The following ZFP64 variants were observed in gnomAD, a reference collection of about 807,000 sequenced individuals.
The protein encoded by ZFP64 is zinc finger protein 64.
ZFP64 carries 14 observed loss-of-function variants against 51.6 expected under a neutral mutation model. That is an observed-to-expected ratio of 0.27 (90% CI 0.18 to 0.42). ZFP64 has a LOEUF of 0.42. Among genes scored for constraint, ZFP64 ranks in the 10% least tolerant of loss-of-function variants. The pLI, the probability that ZFP64 is intolerant of heterozygous loss-of-function variation, is 1.00. For missense variants in ZFP64, 754 were observed against 906.8 expected (o/e 0.83, Z 2.16); for synonymous variants, 375 against 361.4 (o/e 1.04, Z -0.43).
intron 6 of ZFP64, among the ~76,000 whole-genome samples, chr20:52,097,856 G>A (rs1279698821): frequency 6.6e-6 from 1 of 151,900 alleles, no homozygotes; most frequent in Non-Finnish European, 1.5e-5. Flanking sequence ...ATCACTGGAG[G>A]CCAGAAGTTT....
chr20:52,191,439 G>T lies in ZFP64; in HGVS notation c.46+152C>A. The T allele has an allele frequency of 9.8e-7, 1 of 1,024,262 alleles. No individual in the cohort carries two copies. The highest frequency in any genetic ancestry group is 1.3e-6 in the Non-Finnish European group (1 of 771,162). 63.4% of individuals were successfully genotyped at this position (1,024,262 alleles called of 1,614,324 possible). A position where few individuals can be genotyped will look rare whatever the true frequency, so the allele number is the denominator to read the frequency against. On this transcript the variant is annotated intron_variant, in intron 1 of 5. Coordinates refer to ENST00000216923, the MANE Select transcript of ZFP64 (RefSeq NM_018197.3). This position sits in a 1 kb window ranked among gnomAD's most constrained non-coding sequence, Gnocchi z 4.3. ...CCCACTCCGGCGCCCCCTGCACAGC[G>T]CGCCCGCCGCGGTCCCCGAGACGCG...
chr20:52,112,458 A>G (rs1978644345), intron 5 of ZFP64, among the ~76,000 whole-genome samples: 1 of 152,228 alleles, frequency 6.6e-6, no homozygotes, highest in African/African-American at 2.4e-5. Flanking sequence ...GAGTTGCAGA[A>G]TTCCCATGCT....
intron 1 of ZFP64, among the ~76,000 whole-genome samples, chr20:52,187,856 C>T (rs1200891610): frequency 6.6e-6 from 1 of 152,152 alleles, no homozygotes; most frequent in Admixed American, 6.6e-5. Flanking sequence ...GCAGAACCAG[C>T]AGCCACCTCC....
intron 2 of ZFP64, among the ~76,000 whole-genome samples, chr20:52,174,408 G>C (rs986747605): frequency 6.6e-6 from 1 of 151,008 alleles, no homozygotes; most frequent in East Asian, 1.9e-4. Flanking sequence ...GCTTGAACCC[G>C]GGAGGCGGAG....
rs567587951 is a variant in ZFP64 at position 52,143,666 on chromosome 20, G to A, written c.763+16457C>T. Among the ~76,000 whole-genome samples the A allele has an allele frequency of 4.3e-5, 6 of 138,306 alleles. 2 individuals are homozygous for A. In the Admixed American group the frequency reaches 4.6e-4, roughly 11 times the overall value. 90.7% of individuals were successfully genotyped at this position (138,306 alleles called of 152,430 possible). A position where few individuals can be genotyped will look rare whatever the true frequency, so the allele number is the denominator to read the frequency against. The stretch of plus-strand genomic sequence containing the variant: ...TCCTCTAATCTCAGCCTCTAGAGTA[G>A]TTGGGGCTACAGGTGCACACCACCA... On this transcript the variant is annotated intron_variant, in intron 5 of 8. Coordinates refer to the ZFP64 transcript ENST00000361387.
chr20:52,131,526 A>C (rs1053702898), intron 5 of ZFP64, among the ~76,000 whole-genome samples: 1 of 152,228 alleles, frequency 6.6e-6, no homozygotes, highest in African/African-American at 2.4e-5. Context: ...GGGATGAAAA[A>C]GATATTCTAT....
intron 5 of ZFP64, among the ~76,000 whole-genome samples, chr20:52,115,108 G>A (rs569995017): frequency 1.3e-5 from 2 of 150,876 alleles, no homozygotes; most frequent in Admixed American, 6.6e-5. Context: ...GGAGGCTGAG[G>A]CAGGAGAATG....
rs925188885 is a variant in ZFP64 at position 52,086,787 on chromosome 20, G to A, written c.1229-1521C>T. ...GCCACCGCGCCCGGCCCTTTCACAA[G>A]GAATTTTTAAAATGGATTTTTAAAA... On this transcript the variant is annotated intron_variant, in intron 8 of 8. Transcript: ENST00000361387. Among the ~76,000 whole-genome samples, 3 of 152,018 alleles carry A rather than the reference G, an allele frequency of 2.0e-5. No individual in the cohort carries two copies. In the East Asian group the frequency reaches 5.8e-4, roughly 29 times the overall value.
intron 5 of ZFP64, among the ~76,000 whole-genome samples, chr20:52,121,128 C>T (rs1217195022): frequency 3.9e-5 from 6 of 152,196 alleles, no homozygotes; most frequent in Non-Finnish European, 1.5e-5. Context: ...TTCTTCGAGC[C>T]TTTCTATTCC....
At chr20:52,158,291 C>G (rs1272834928) in intron 5 of ZFP64, among the ~76,000 whole-genome samples, 1 of 152,170 alleles carries the variant, frequency 6.6e-6, no homozygotes, top group Non-Finnish European at 1.5e-5. Flanking sequence ...CAAGGGAGAT[C>G]ACGCAATTGT....
At chr20:52,103,660 C>T (rs1004668317) in intron 5 of ZFP64, among the ~76,000 whole-genome samples, 1 of 152,190 alleles carries the variant, frequency 6.6e-6, no homozygotes, top group Non-Finnish European at 1.5e-5. Context: ...CTATAAACAC[C>T]TCCCCCAAAA....
intron 2 of ZFP64, among the ~76,000 whole-genome samples, chr20:52,166,724 A>G (rs1982306785): frequency 6.6e-6 from 1 of 152,094 alleles, no homozygotes; most frequent in African/African-American, 2.4e-5. Context: ...CCACATTGTT[A>G]ACTACCATGC....
At chr20:52,138,915 C>G (rs1980116755) in intron 5 of ZFP64, among the ~76,000 whole-genome samples, 1 of 152,048 alleles carries the variant, frequency 6.6e-6, no homozygotes. Flanking sequence ...ATACAAGCAG[C>G]CAACAAGCAT....
intron 5 of ZFP64, among the ~76,000 whole-genome samples, chr20:52,123,879 G>T (rs113234697): frequency 2.0e-5 from 3 of 151,462 alleles, no homozygotes; most frequent in Admixed American, 6.6e-5. Flanking sequence ...TCTTTTTTGG[G>T]GGGGGGAGGG....
intron 1 of ZFP64, among the ~76,000 whole-genome samples, chr20:52,188,535 G>C (rs923315260): frequency 4.7e-5 from 7 of 150,388 alleles, no homozygotes; most frequent in Non-Finnish European, 1.0e-4. Flanking sequence ...GGATGGTCTC[G>C]ATCTCCTGAC....
At position 52,153,558 on chromosome 20, in the gene ZFP64, A is replaced by C. The variant is rs943771208; in HGVS notation, c.764-130T>G. The stretch of plus-strand genomic sequence containing the variant: ...AGACCTCCTAACTGCAGCTTCTAGC[A>C]GCCCCTGGCAGTGGGGGAAGAGGGG... On this transcript the variant is annotated intron_variant, in intron 5 of 5. Transcript: ENST00000216923. The surrounding 1 kb of genome is among the most constrained non-coding windows in gnomAD (Gnocchi z 5.1). 2.2e-6 allele frequency: 3 copies of C among 1,346,838 alleles called. No individual in the cohort carries two copies. In the African/African-American group the frequency reaches 4.4e-5, roughly 20 times the overall value. 83.4% of individuals were successfully genotyped at this position (1,346,838 alleles called of 1,614,324 possible). A position where few individuals can be genotyped will look rare whatever the true frequency, so the allele number is the denominator to read the frequency against.
intron 2 of ZFP64, among the ~76,000 whole-genome samples, chr20:52,179,936 A>G (rs1983495510): frequency 6.6e-6 from 1 of 152,232 alleles, no homozygotes; most frequent in South Asian, 2.1e-4. Context: ...TAATAGGCAA[A>G]GAAGTAATGT....
intron 2 of ZFP64, among the ~76,000 whole-genome samples, chr20:52,185,828 G>A (rs556885803): frequency 2.0e-5 from 3 of 151,144 alleles, no homozygotes; most frequent in South Asian, 2.1e-4. Flanking sequence ...TGATCCACCC[G>A]CCTTAGCCTC....
chr20:52,107,332 G>T (rs112596302), intron 5 of ZFP64, among the ~76,000 whole-genome samples: 1,731 of 152,136 alleles, frequency 0.011, 28 homozygotes, highest in African/African-American at 0.039. Flanking sequence ...CTGGCCTATT[G>T]TTAGCCTACA....
Sources: allele counts gnomAD v4.1 joint callset (sites outside exome capture counted in the v4.1 genomes callset), GRCh38; gene constraint gnomAD v4.1.1; non-coding constraint Gnocchi (gnomAD v3.1); transcripts MANE v1.5; gene names NCBI Gene and HGNC (gene_info 2026-07-23, HGNC 2026-07-21).